TSHR: variants seen among roughly 807,000 people sequenced by gnomAD.
TSHR encodes the protein thyrotropin receptor.
In TSHR, 51 loss-of-function variants were observed where a neutral mutation model predicts 64.1. The ratio of observed to expected loss-of-function variants is 0.80; its 90% CI spans 0.64 to 1.01. The LOEUF (loss-of-function observed/expected upper bound fraction) is 1.01. Ranked by LOEUF, TSHR falls within the 50% of genes least tolerant of loss-of-function variation. The pLI, the probability that TSHR is intolerant of heterozygous loss-of-function variation, is 0.00. For synonymous variants in TSHR, 361 were observed against 361.9 expected (o/e 1.00, Z 0.03); for missense variants, 877 against 942.8 (o/e 0.93, Z 0.91).
intron 8 of TSHR, among the ~76,000 whole-genome samples, chr14:81,118,792 A>C (rs1227987398): frequency 6.6e-6 from 1 of 151,924 alleles, no homozygotes; most frequent in African/African-American, 2.4e-5. Context: ...ACAAGGCTAC[A>C]GTAAGCAAAA....
At chr14:81,065,183 C>A (rs911352519) in intron 2 of TSHR, among the ~76,000 whole-genome samples, 1 of 152,130 alleles carries the variant, frequency 6.6e-6, no homozygotes, top group African/African-American at 2.4e-5. Context: ...AGGCCAGGCT[C>A]CTCCCCACTA....
chr14:81,022,034 G>A (rs561103953), intron 1 of TSHR, among the ~76,000 whole-genome samples: 176 of 150,898 alleles, frequency 1.2e-3, no homozygotes, highest in African/African-American at 4.0e-3. Flanking sequence ...AGGCGGAAGT[G>A]GGCAGATCAC....
intron 3 of TSHR, among the ~76,000 whole-genome samples, chr14:81,079,873 A>T (rs77621217): frequency 6.6e-6 from 1 of 152,078 alleles, no homozygotes; most frequent in South Asian, 2.1e-4. Flanking sequence ...AAAAAAAAAA[A>T]AAAGCAAAGA....
chr14:81,069,574 G>T (rs1886910256), intron 3 of TSHR, among the ~76,000 whole-genome samples: 1 of 152,148 alleles, frequency 6.6e-6, no homozygotes, highest in Non-Finnish European at 1.5e-5. Flanking sequence ...AAGCTTAAGG[G>T]CTAAGAAACT....
chr14:80,985,811 T>C (rs1328536234), intron 1 of TSHR, among the ~76,000 whole-genome samples: 1 of 152,172 alleles, frequency 6.6e-6, no homozygotes, highest in African/African-American at 2.4e-5. Context: ...AACAACAAAA[T>C]AGAATATATA....
At chr14:80,989,790 C>G (rs1024082909) in intron 1 of TSHR, among the ~76,000 whole-genome samples, 1 of 152,110 alleles carries the variant, frequency 6.6e-6, no homozygotes, top group South Asian at 2.1e-4. Flanking sequence ...GTGGAAGACA[C>G]TTTAGAGGTT....
chr14:81,042,378 G>A (rs937488910), intron 1 of TSHR, among the ~76,000 whole-genome samples: 1 of 152,036 alleles, frequency 6.6e-6, no homozygotes, highest in African/African-American at 2.4e-5. Flanking sequence ...GCCAAGATAT[G>A]GAATCAGCCT....
intron 3 of TSHR, among the ~76,000 whole-genome samples, chr14:81,082,225 G>A (rs1022486748): frequency 3.3e-5 from 5 of 152,326 alleles, no homozygotes; most frequent in African/African-American, 1.2e-4. Flanking sequence ...TATCTAAGAA[G>A]TACAAAGAAA....
chr14:81,062,930 C>T (rs1886345746), intron 2 of TSHR, among the ~76,000 whole-genome samples: 1 of 152,086 alleles, frequency 6.6e-6, no homozygotes, highest in South Asian at 2.1e-4. Context: ...TCTGTCATTT[C>T]AGTAGTTCTC....
chr14:81,002,885 T>G (rs1889416065), intron 1 of TSHR, among the ~76,000 whole-genome samples: 1 of 72,794 alleles, frequency 1.4e-5, no homozygotes, highest in African/African-American at 4.5e-5. Context: ...TTGTGCAGGT[T>G]AGTTACATAT....
At chr14:81,082,443 C>T (rs1236798738) in intron 3 of TSHR, among the ~76,000 whole-genome samples, 1 of 152,150 alleles carries the variant, frequency 6.6e-6, no homozygotes, top group Non-Finnish European at 1.5e-5. Context: ...GCTAGCCCAC[C>T]CCCTTTTGTG....
rs139711807 is a variant in TSHR at position 80,985,675 on chromosome 14, G to A, written c.170+29825G>A. On this transcript the variant is annotated intron_variant, in intron 1 of 9. Coordinates refer to ENST00000298171, the MANE Select transcript of TSHR (RefSeq NM_000369.5). The stretch of plus-strand genomic sequence containing the variant: ...GTGAAAATATGGGGTAATATGCTTT[G>A]AGGTTTTCTGACAGTTAAGAAACTA... Among the ~76,000 whole-genome samples the A allele has an allele frequency of 1.8e-3, 268 of 152,302 alleles. 1 individual carries two copies. The highest frequency in any genetic ancestry group is 6.3e-3 in the African/African-American group (262 of 41,554).
rs1182428799 is a variant in TSHR at position 81,130,848 on chromosome 14, G to A, written c.693-8831G>A. 2.0e-4 allele frequency among the ~76,000 whole-genome samples: 26 copies of A among 128,776 alleles called. 8 individuals are homozygous for A. Among genetic ancestry groups the A allele is most frequent in the African/African-American group, 9.5e-4 (25 of 26,396 alleles). The allele number at this position is 128,776 out of a possible 152,430, so 84.5% of individuals were successfully genotyped here. A position where few individuals can be genotyped will look rare whatever the true frequency, so the allele number is the denominator to read the frequency against. On this transcript the variant is annotated intron_variant, in intron 8 of 9. Transcript: ENST00000298171. ...CTACTAAAAATACAAAAAATTAGCC[G>A]GGCGCGGTGGCGGGTGCCTGTAGTC...
intron 3 of TSHR, among the ~76,000 whole-genome samples, chr14:81,073,457 A>G (rs1029974729): frequency 6.6e-6 from 1 of 152,154 alleles, no homozygotes; most frequent in African/African-American, 2.4e-5. Context: ...CATTTACTAA[A>G]ATTGACCACA....
intron 8 of TSHR, among the ~76,000 whole-genome samples, chr14:81,111,393 A>T (rs1890219098): frequency 1.3e-5 from 2 of 152,168 alleles, no homozygotes; most frequent in Non-Finnish European, 2.9e-5. Flanking sequence ...GCGTCTCCAA[A>T]TCTGGCTCCT....
At chr14:81,015,989 T>C (rs888730208) in intron 1 of TSHR, among the ~76,000 whole-genome samples, 4 of 152,176 alleles carry the variant, frequency 2.6e-5, no homozygotes, top group African/African-American at 9.7e-5. Flanking sequence ...TATTCTATTG[T>C]GTATATGTGC....
At chr14:81,010,515 A>C (rs910846202) in intron 1 of TSHR, among the ~76,000 whole-genome samples, 1 of 151,532 alleles carries the variant, frequency 6.6e-6, no homozygotes, top group Admixed American at 6.6e-5. Context: ...TTAAATTTAC[A>C]TTTTCTAAAT....
chr14:80,960,136 G>A lies in TSHR; in HGVS notation c.170+4286G>A, dbSNP rs75621321. On this transcript the variant is annotated intron_variant, in intron 1 of 9. Coordinates refer to ENST00000298171, the MANE Select transcript of TSHR (RefSeq NM_000369.5). ...CTGGCACGGTGTCCTTGGTAGTATC[G>A]AAAGGATGGAAAGACAATAGAGAAA... is the stretch of plus-strand genomic sequence containing the variant. Among the ~76,000 whole-genome samples the A allele has an allele frequency of 5.1e-3, 777 of 152,276 alleles. 21 individuals are homozygous for A. The East Asian group carries it at 0.055, about 11-fold the overall frequency.
At chr14:80,998,493 CT>C in intron 1 of TSHR, among the ~76,000 whole-genome samples, 1 of 152,006 alleles carries the variant, frequency 6.6e-6, no homozygotes, top group Non-Finnish European at 1.5e-5. Context: ...TGTAATCACA[CT>C]GCAATATCTT....
Sources: gnomAD v4.1 joint callset for allele counts (sites outside exome capture counted in the v4.1 genomes callset) on GRCh38, gnomAD v4.1.1 for gene constraint, MANE v1.5 for transcripts, NCBI Gene and HGNC (gene_info 2026-07-23, HGNC 2026-07-21) for gene names.